CNOT3: variants seen among roughly 807,000 people sequenced by gnomAD.
The protein encoded by CNOT3 is CCR4-associated factor 3.
In CNOT3, 2 loss-of-function variants were observed where a neutral mutation model predicts 89.4. The observed-to-expected ratio is 0.02, with a 90% CI of 0.01 to 0.07. CNOT3 has a LOEUF of 0.07. Ranked by LOEUF, CNOT3 falls within the 10% of genes least tolerant of loss-of-function variation. The probability of loss-of-function intolerance (pLI) is 1.00; values close to 1 mark genes in which losing one functional copy is unlikely to be tolerated. For missense variants in CNOT3, 664 were observed against 1,010.2 expected, an observed-to-expected ratio of 0.66 and a Z score of 4.65; for synonymous variants, 486 against 402.0, an observed-to-expected ratio of 1.21 and a Z score of -2.50.
At position 54,155,537 on chromosome 19, in the gene CNOT3, A is replaced by G; in HGVS notation, c.*130A>G. On this transcript the variant is annotated 3_prime_UTR_variant, in exon 18 of 18. Coordinates refer to ENST00000221232, the MANE Select transcript of CNOT3 (RefSeq NM_014516.4). ...CATCCCCCTCTCCCAGGAAGCAGGGAGGGGGCCGGGAGGTTTTCCTCTCAG... is the reference window on the plus strand; with the variant it reads ...CATCCCCCTCTCCCAGGAAGCAGGGGGGGGGCCGGGAGGTTTTCCTCTCAG... The G allele has an allele frequency of 1.1e-6, 1 of 904,828 alleles. No individual in the cohort carries two copies. Among genetic ancestry groups the G allele is most frequent in the Non-Finnish European group, 1.7e-6 (1 of 605,036 alleles). 56.0% of individuals were successfully genotyped at this position (904,828 alleles called of 1,614,324 possible). A position where few individuals can be genotyped will look rare whatever the true frequency, so the allele number is the denominator to read the frequency against.
intron 15 of CNOT3, 96 bp downstream of exon 15, chr19:54,152,722 C>T: frequency 8.8e-7 from 1 of 1,136,728 alleles, no homozygotes; most frequent in African/African-American, 1.5e-5. Context: ...GCACCAGGCC[C>T]CTGACTTGGG....
intron 17 of CNOT3, chr19:54,155,046 C>T: frequency 3.7e-6 from 2 of 542,528 alleles, no homozygotes; most frequent in Non-Finnish European, 6.5e-6. Flanking sequence ...GCACTCACAC[C>T]TGGGGCTGGG....
chr19:54,138,437 C>G (rs1018467152), intron 1 of CNOT3, among the ~76,000 whole-genome samples: 33 of 152,214 alleles, frequency 2.2e-4, no homozygotes, highest in Non-Finnish European at 4.1e-4. Context: ...GTGCCTGCCC[C>G]CCTCGGCCTC....
chr19:54,143,593 G>A, intron 4 of CNOT3, 67 bp from the exon 5 acceptor site: 3 of 1,605,614 alleles, frequency 1.9e-6, no homozygotes, highest in Non-Finnish European at 2.6e-6. Context: ...GGGTCCCAGG[G>A]AGAAGGAGCT....
intron 16 of CNOT3, 143 bp from the exon 17 acceptor site, chr19:54,153,572 G>A (rs1238199362): frequency 3.8e-6 from 3 of 783,184 alleles, no homozygotes; most frequent in East Asian, 4.8e-5. Flanking sequence ...TGTGCCCCCA[G>A]CCCCATCTCC....
chr19:54,144,366 G>C lies in CNOT3; in HGVS notation c.483+34G>C, dbSNP rs780327008. 2.6e-5 allele frequency: 40 copies of C among 1,522,940 alleles called. No homozygotes were observed. Among genetic ancestry groups the C allele is most frequent in the Non-Finnish European group, 3.6e-5 (40 of 1,098,476 alleles). The allele number at this position is 1,522,940 out of a possible 1,614,324, so 94.3% of individuals were successfully genotyped here. A position where few individuals can be genotyped will look rare whatever the true frequency, so the allele number is the denominator to read the frequency against. On this transcript the variant is annotated intron_variant, in intron 7 of 17. Transcript: ENST00000221232. The surrounding 1 kb of genome is among the most constrained non-coding windows in gnomAD (Gnocchi z 4.8). ...GGGAGACCCGACACCTTTGGGATGG[G>C]GATGGGCATGGGAATGGGCTGGCCA...
In CNOT3 at chr19:54,145,492, T is replaced by G. The variant is rs1421173737; in HGVS notation, c.484-106T>G. 1 of 761,688 alleles carries G rather than the reference T, an allele frequency of 1.3e-6. No individual in the cohort carries two copies. Among genetic ancestry groups the G allele is most frequent in the Admixed American group, 2.1e-5 (1 of 46,826 alleles). 47.2% of individuals were successfully genotyped at this position (761,688 alleles called of 1,614,324 possible). A position where few individuals can be genotyped will look rare whatever the true frequency, so the allele number is the denominator to read the frequency against. On this transcript the variant is annotated intron_variant, in intron 7 of 17. Transcript: ENST00000221232. This position sits in a 1 kb window ranked among gnomAD's most constrained non-coding sequence, Gnocchi z 5.9. ...ACCCCGAAGGGGATGGCGTGGAGGCTTTGGGTCTCCACAGGGGTCAGGGAC... is the reference window on the plus strand; with the variant it reads ...ACCCCGAAGGGGATGGCGTGGAGGCGTTGGGTCTCCACAGGGGTCAGGGAC...
chr19:54,154,860 T>C (rs1469177812), intron 17 of CNOT3: 5 of 158,128 alleles, frequency 3.2e-5, no homozygotes, highest in African/African-American at 1.2e-4. Context: ...TCGTCACCAA[T>C]AAAATGTCCC....
chr19:54,149,590 G>T lies in CNOT3; in HGVS notation c.1437G>T (p.Gly479=). ...AACCCAGTGCGGCAGCCCCAACGGGGGCTGGGGGCGTGGCCCCAGGCTCAG... is the reference window on the plus strand; with the variant it reads ...AACCCAGTGCGGCAGCCCCAACGGGTGCTGGGGGCGTGGCCCCAGGCTCAG... ...SKEPSAAAPT[G]AGGVAPGSGN... Residue 479 remains glycine, a synonymous_variant, in exon 13 of 18, where the codon GGG becomes GGT. Transcript: ENST00000221232. The T allele has an allele frequency of 3.7e-6, 6 of 1,605,438 alleles. No individual in the cohort carries two copies. Among genetic ancestry groups the T allele is most frequent in the Non-Finnish European group, 5.1e-6 (6 of 1,174,770 alleles).
In CNOT3 at chr19:54,145,308, C is replaced by A. The variant is rs1009701807; in HGVS notation, c.484-290C>A. Among the ~76,000 whole-genome samples, 7 of 152,006 alleles carry A rather than the reference C, an allele frequency of 4.6e-5. No homozygotes were observed. The highest frequency in any genetic ancestry group is 8.8e-5 in the Non-Finnish European group (6 of 68,004). On this transcript the variant is annotated intron_variant, in intron 7 of 17. Coordinates refer to ENST00000221232, the MANE Select transcript of CNOT3 (RefSeq NM_014516.4). This position sits in a 1 kb window ranked among gnomAD's most constrained non-coding sequence, Gnocchi z 5.9. ...GGTGAGGTGCAGATGGAGGCCAAGT[C>A]GTGGGATGGCACAAGGACCTCTGGG...
chr19:54,153,486 C>T (rs781019012), intron 16 of CNOT3: 8 of 777,258 alleles, frequency 1.0e-5, no homozygotes, highest in East Asian at 2.4e-5. Context: ...AGTTTTTCTT[C>T]CTTCTCAAAG....
chr19:54,149,444 C>A (rs1481129434), intron 12 of CNOT3, 116 bp from the exon 13 acceptor site: 2 of 578,636 alleles, frequency 3.5e-6, no homozygotes, highest in Admixed American at 6.9e-5. Context: ...CCCTCACCTG[C>A]CCCTCTCAGA....
rs772605968 is a variant in CNOT3 at position 54,149,540 on chromosome 19, C to T, written c.1407-20C>T. 49 of 1,516,282 alleles carry T rather than the reference C, an allele frequency of 3.2e-5. No individual in the cohort carries two copies. The highest frequency in any genetic ancestry group is 4.3e-5 in the Non-Finnish European group (48 of 1,125,184). The allele number at this position is 1,516,282 out of a possible 1,614,324, so 93.9% of individuals were successfully genotyped here. A position where few individuals can be genotyped will look rare whatever the true frequency, so the allele number is the denominator to read the frequency against. ...TCAGGGACCCTCCTCTCAACCCCCT[C>T]TTCCATGCTCTCTCTCCAGGAAGGA... On this transcript the variant is annotated intron_variant, in intron 12 of 17. Transcript: ENST00000221232.
At chr19:54,143,371 GGAA>G (rs2074535487) in intron 3 of CNOT3, 68 bp from the exon 4 acceptor site, 2 of 1,510,886 alleles carry the variant, frequency 1.3e-6, no homozygotes, top group Admixed American at 3.3e-5. Flanking sequence ...CCTAGCATAA[GGAA>G]GAATCACTGG....
chr19:54,144,251 G>T lies in CNOT3; in HGVS notation c.402G>T (p.Thr134=), dbSNP rs148179393. 6.2e-7 allele frequency: 1 copy of T among 1,613,968 alleles called. No individual in the cohort carries two copies. The highest frequency in any genetic ancestry group is 2.2e-5 in the East Asian group (1 of 44,890). The part of the protein sequence containing the change: ...VGQWLTNTID[T]LNMQVDQFES... ...CCCTCCCCTAGAATACCATCGACACGCTCAACATGCAGGTGGACCAGTTTG... is the reference window on the plus strand; with the variant it reads ...CCCTCCCCTAGAATACCATCGACACTCTCAACATGCAGGTGGACCAGTTTG... The change falls in exon 7 of 18, where the codon ACG becomes ACT. Residue 134 remains threonine (T), a synonymous_variant. Transcript: ENST00000221232. This position sits in a 1 kb window ranked among gnomAD's most constrained non-coding sequence, Gnocchi z 4.8.
At chr19:54,154,842 ACAC>A (rs752124705) in intron 17 of CNOT3, 19 of 107,690 alleles carry the variant, frequency 1.8e-4, no homozygotes, top group Non-Finnish European at 3.0e-4. Flanking sequence ...AGAAATTCCC[ACAC>A]CACTTCGTCA....
rs369731021 is a variant in CNOT3 at position 54,152,858 on chromosome 19, C to T, written c.1905-9C>T. Reference sequence around the variant, plus strand: ...GCAGCTGGCACTGACCTTCCTGTTGCTCTCACAGGCAGTACCTCCCCCGGA... The same window carrying T: ...GCAGCTGGCACTGACCTTCCTGTTGTTCTCACAGGCAGTACCTCCCCCGGA... On this transcript the variant is annotated splice_polypyrimidine_tract_variant and intron_variant, in intron 15 of 17. Transcript: ENST00000221232. The T allele has an allele frequency of 1.5e-6, 2 of 1,359,556 alleles. No individual in the cohort carries two copies. Among genetic ancestry groups the T allele is most frequent in the South Asian group, 2.6e-5 (2 of 77,018 alleles). 84.2% of individuals were successfully genotyped at this position (1,359,556 alleles called of 1,614,324 possible).
chr19:54,148,039 C>T lies in CNOT3; in HGVS notation c.895-109C>T, dbSNP rs35247489. ...AGAGGGCAGGAGCAGGTGGGGGCAGCGAGGCCAGAGAGGAGGCTGCTGGGA... is the reference window on the plus strand; with the variant it reads ...AGAGGGCAGGAGCAGGTGGGGGCAGTGAGGCCAGAGAGGAGGCTGCTGGGA... On this transcript the variant is annotated intron_variant, in intron 10 of 17. Coordinates refer to ENST00000221232, the MANE Select transcript of CNOT3 (RefSeq NM_014516.4). The surrounding 1 kb of genome is among the most constrained non-coding windows in gnomAD (Gnocchi z 6.3). 0.33 allele frequency: 277,370 copies of T among 832,018 alleles called. 49,761 individuals are homozygous for T. The highest frequency in any genetic ancestry group is 0.37 in the Non-Finnish European group (211,901 of 576,972). The allele number at this position is 832,018 out of a possible 1,614,324, so 51.5% of individuals were successfully genotyped here.
intron 10 of CNOT3, among the ~76,000 whole-genome samples, chr19:54,147,235 G>A (rs887780290): frequency 2.0e-5 from 3 of 152,250 alleles, no homozygotes; most frequent in African/African-American, 7.2e-5. Flanking sequence ...CACGCTTTCG[G>A]AAACGCTGCT....
Sources: allele counts gnomAD v4.1 joint callset (sites outside exome capture counted in the v4.1 genomes callset), GRCh38; gene constraint gnomAD v4.1.1; non-coding constraint Gnocchi (gnomAD v3.1); transcripts MANE v1.5; gene names NCBI Gene and HGNC (gene_info 2026-07-23, HGNC 2026-07-21).